The following ZNF658 variants were observed in gnomAD, a reference collection of about 807,000 sequenced individuals.
ZNF658 encodes the protein zinc finger protein 658.
A neutral mutation model predicts 78.0 loss-of-function variants in ZNF658; 46 were observed. The ratio of observed to expected loss-of-function variants is 0.59; its 90% CI spans 0.47 to 0.75. The LOEUF (loss-of-function observed/expected upper bound fraction) is 0.75, where lower values mean the gene tolerates loss of function less well. Among genes scored for constraint, ZNF658 ranks in the 30% least tolerant of loss-of-function variants. The probability of loss-of-function intolerance (pLI) is 0.00; values close to 1 mark genes in which losing one functional copy is unlikely to be tolerated. For missense variants in ZNF658, 785 were observed against 1,189.3 expected (o/e 0.66, Z 5.00); for synonymous variants, 279 against 408.4 (o/e 0.68, Z 3.82).
intron 4 of ZNF658, among the ~76,000 whole-genome samples, chr9:66,914,131 A>G (rs1822278455): frequency 6.6e-6 from 1 of 151,640 alleles, no homozygotes; most frequent in Non-Finnish European, 1.5e-5. Context: ...TGACATCTTA[A>G]CAACGTACAG....
downstream of ZNF658, among the ~76,000 whole-genome samples, chr9:66,923,307 C>G (rs1355585025): frequency 1.3e-5 from 2 of 150,678 alleles, no homozygotes; most frequent in Non-Finnish European, 3.0e-5. Context: ...CATTCTCCTG[C>G]CTGCTTTATT....
At chr9:66,923,203 G>T (rs564733961), downstream of ZNF658, among the ~76,000 whole-genome samples, 42 of 150,886 alleles carry the variant, frequency 2.8e-4, no homozygotes, top group African/African-American at 8.7e-4. Flanking sequence ...AAGTCCAAAA[G>T]CCGAAGAACT....
intron 2 of ZNF658, among the ~76,000 whole-genome samples, chr9:66,904,211 GC>G (rs1295399163): frequency 6.6e-6 from 1 of 151,770 alleles, no homozygotes; most frequent in African/African-American, 2.4e-5. Flanking sequence ...TCCATGGGAT[GC>G]CTTGATTTTT....
At chr9:66,924,553 GAAC>G (rs1469994695), downstream of ZNF658, among the ~76,000 whole-genome samples, 1 of 119,190 alleles carries the variant, frequency 8.4e-6, no homozygotes, top group Non-Finnish European at 1.7e-5. Flanking sequence ...GAAGAAAAAA[GAAC>G]AAAAATCAAA....
chr9:66,902,304 G>C (rs560136812), intron 1 of ZNF658, among the ~76,000 whole-genome samples: 5 of 133,404 alleles, frequency 3.7e-5, no homozygotes, highest in Non-Finnish European at 8.0e-5. Flanking sequence ...ACCTCTTCTA[G>C]AGCGTCAGAG....
Position 66,918,786 on chromosome 9 carries a change from CAGG to C in ZNF658, c.1223_1225del (p.Gly408del). 6.2e-7 allele frequency: 1 copy of C among 1,613,870 alleles called. No homozygotes were observed. Among genetic ancestry groups the C allele is most frequent in the African/African-American group, 1.3e-5 (1 of 75,014 alleles). On this transcript the variant is annotated inframe_deletion, in exon 5 of 5. Transcript: ENST00000621410. ...CTCATTCAGCATCAGAGGCCCCACT[CAGG>C]AGAGAAAACTTACCAATATGAGGAA...
rs1251199772 is a variant in ZNF658 at position 66,908,265 on chromosome 9, G to A, written c.43G>A (p.Val15Met). 6.2e-7 allele frequency: 1 copy of A among 1,614,114 alleles called. No individual in the cohort carries two copies. The highest frequency in any genetic ancestry group is 2.2e-5 in the East Asian group (1 of 44,868). ...ATCAGTGTCATTCCAGGACGTGACT[G>A]TGGAATTCACCCGGGAGGAGTGGCA... ...QASVSFQDVT[V>M]EFTREEWQHL... The change falls in exon 3 of 5, where the codon GTG (valine) becomes ATG (methionine). Residue 15 changes from valine (V) to methionine (M), a missense_variant. Coordinates refer to ENST00000621410, the MANE Select transcript of ZNF658 (RefSeq NM_033160.7).
In ZNF658 at chr9:66,919,703, C is replaced by G; in HGVS notation, c.2137C>G (p.Pro713Ala). 1 of 1,613,188 alleles carries G rather than the reference C, an allele frequency of 6.2e-7. No individual in the cohort carries two copies. The highest frequency in any genetic ancestry group is 8.5e-7 in the Non-Finnish European group (1 of 1,179,964). The change falls in exon 5 of 5, where the codon CCC (proline) becomes GCC (alanine). Residue 713 changes from proline to alanine, a missense_variant. This residue lies in a region of ZNF658 where 75 missense variants were observed against 147.1 expected (regional missense o/e 0.51). Coordinates refer to ENST00000621410, the MANE Select transcript of ZNF658 (RefSeq NM_033160.7). The stretch of plus-strand genomic sequence containing the variant: ...TCAGAGAATTCACACGGGGGAGAAA[C>G]CCTATGAATGTAATGAATGTGAGAA... ...IHQRIHTGEK[P>A]YECNECEKTF...
At position 66,918,590 on chromosome 9, in the gene ZNF658, G is replaced by A. The variant is rs138726067; in HGVS notation, c.1024G>A (p.Val342Ile). The A allele has an allele frequency of 1.9e-6, 3 of 1,609,396 alleles. No individual in the cohort carries two copies. The highest frequency in any genetic ancestry group is 2.2e-5 in the South Asian group (2 of 90,896). Residue 342 changes from valine (V) to isoleucine (I), a missense_variant, in exon 5 of 5, where the codon GTA (valine) becomes ATA (isoleucine). By Grantham distance (29) the Val-to-Ile change is conservative. Transcript: ENST00000621410. ...ENFSQSSAHI[V>I]HQKTQAGDKF... Reference sequence around the variant, plus strand: ...TTTTAGCCAGAGCTCAGCCCATATAGTACATCAGAAAACACAAGCTGGAGA... The same window carrying A: ...TTTTAGCCAGAGCTCAGCCCATATAATACATCAGAAAACACAAGCTGGAGA...
At chr9:66,923,063 A>C (rs536338958), downstream of ZNF658, among the ~76,000 whole-genome samples, 180 of 150,484 alleles carry the variant, frequency 1.2e-3, 3 homozygotes, top group East Asian at 0.023. Flanking sequence ...AAAATAGGCC[A>C]TCTGCAAGCT....
chr9:66,923,735 G>T (rs1362701510), downstream of ZNF658, among the ~76,000 whole-genome samples: 1 of 151,048 alleles, frequency 6.6e-6, no homozygotes, highest in South Asian at 2.1e-4. Flanking sequence ...ACTTAAAAAG[G>T]TACCAAACTC....
chr9:66,901,268 T>TA (rs763309953), intron 1 of ZNF658, among the ~76,000 whole-genome samples: 2 of 152,044 alleles, frequency 1.3e-5, no homozygotes, highest in African/African-American at 2.4e-5. Flanking sequence ...CGTTCCATTT[T>TA]AAAAAAATGG....
At chr9:66,929,863 A>G (rs960512943) in intron 6 of ZNF658, among the ~76,000 whole-genome samples, 176 of 129,218 alleles carry the variant, frequency 1.4e-3, no homozygotes, top group African/African-American at 5.0e-3. Flanking sequence ...GGCTCGCTGC[A>G]ACCTTCGCCT....
intron 2 of ZNF658, among the ~76,000 whole-genome samples, chr9:66,908,031 A>AAAAACCTAGAAT (rs1412823246): frequency 1.3e-5 from 2 of 151,286 alleles, no homozygotes; most frequent in African/African-American, 4.9e-5. Context: ...TTTGTCTTAC[A>AAAAACCTAGAAT]AAAACCTAGA....
At chr9:66,917,652 G>T (rs1822366291) in intron 4 of ZNF658, among the ~76,000 whole-genome samples, 153 bp from the exon 5 acceptor site, 1 of 133,972 alleles carries the variant, frequency 7.5e-6, no homozygotes, top group Admixed American at 8.4e-5. Context: ...GTTCAAGGCT[G>T]CAGTGAGCTA....
downstream of ZNF658, among the ~76,000 whole-genome samples, chr9:66,923,037 C>T (rs1042191545): frequency 1.6e-4 from 24 of 151,578 alleles, no homozygotes; most frequent in Admixed American, 1.5e-3. Context: ...TATACACTGT[C>T]ACAAGGTGAA....
chr9:66,906,232 A>G (rs575736756), intron 2 of ZNF658, among the ~76,000 whole-genome samples: 2 of 151,080 alleles, frequency 1.3e-5, no homozygotes, highest in South Asian at 4.2e-4. Context: ...GTTAACCTTC[A>G]CTTCCTTCAC....
intron 4 of ZNF658, among the ~76,000 whole-genome samples, chr9:66,912,977 G>A (rs1822248330): frequency 6.6e-6 from 1 of 151,838 alleles, no homozygotes; most frequent in African/African-American, 2.4e-5. Flanking sequence ...GAATCTGGGA[G>A]GTGGAGGTTA....
At chr9:66,923,041 AG>A (rs1822550914), downstream of ZNF658, among the ~76,000 whole-genome samples, 1 of 151,532 alleles carries the variant, frequency 6.6e-6, no homozygotes, top group African/African-American at 2.4e-5. Context: ...CACTGTCACA[AG>A]GTGAAGTCCC....
Sources: allele counts gnomAD v4.1 joint callset (sites outside exome capture counted in the v4.1 genomes callset), GRCh38; gene constraint gnomAD v4.1.1; regional missense constraint gnomAD v4.1.1; transcripts MANE v1.5; gene names NCBI Gene and HGNC (gene_info 2026-07-23, HGNC 2026-07-21).